The following PPP3CC variants were observed in gnomAD, a reference collection of about 807,000 sequenced individuals.
PPP3CC encodes the protein protein phosphatase 3 catalytic subunit gamma.
In PPP3CC, 35 loss-of-function variants were observed where a neutral mutation model predicts 60.3. That is an observed-to-expected ratio of 0.58 (90% CI 0.44 to 0.77). The LOEUF is 0.77. Ranked by LOEUF, PPP3CC falls within the 30% of genes least tolerant of loss-of-function variation. The pLI is 0.00. For synonymous variants in PPP3CC, 206 were observed against 224.3 expected (o/e 0.92, Z 0.73); for missense variants, 570 against 628.9 (o/e 0.91, Z 1.00).
chr8:22,453,148 C>T (rs1008707601), intron 1 of PPP3CC, among the ~76,000 whole-genome samples: 3 of 152,118 alleles, frequency 2.0e-5, no homozygotes, highest in Non-Finnish European at 4.4e-5. Context: ...GTGCCTACCT[C>T]AGAATTTAAA....
At chr8:22,534,213 A>C (rs1003100854) in intron 12 of PPP3CC, among the ~76,000 whole-genome samples, 19 of 150,732 alleles carry the variant, frequency 1.3e-4, no homozygotes, top group African/African-American at 3.9e-4. Context: ...AAAAAAAAAA[A>C]CAAACACCAC....
chr8:22,539,390 T>G, intron 12 of PPP3CC, 79 bp from the exon 13 acceptor site: 1 of 1,486,344 alleles, frequency 6.7e-7, no homozygotes, highest in Non-Finnish European at 9.3e-7. Context: ...GGGATGGCTG[T>G]GCTGCCATCA....
intron 3 of PPP3CC, among the ~76,000 whole-genome samples, chr8:22,496,483 A>ATTTTTTTTTTTTT (rs1563741124): frequency 1.7e-4 from 13 of 77,040 alleles, no homozygotes; most frequent in South Asian, 4.8e-4. Context: ...GAGAACTGTA[A>ATTTTTTTTTTTTT]TCTTTTTTTT....
At chr8:22,474,180 C>T (rs1212803640) in intron 1 of PPP3CC, among the ~76,000 whole-genome samples, 1 of 152,066 alleles carries the variant, frequency 6.6e-6, no homozygotes, top group Non-Finnish European at 1.5e-5. Flanking sequence ...CAGGCGTGAG[C>T]CATGGTGCCC....
At chr8:22,475,279 A>T in intron 2 of PPP3CC, 128 bp downstream of exon 2, 2 of 996,160 alleles carry the variant, frequency 2.0e-6, no homozygotes. Context: ...GACAGTCAGG[A>T]TTGGTTAGGA....
At position 22,506,891 on chromosome 8, in the gene PPP3CC, G is replaced by A. The variant is rs186350391; in HGVS notation, c.485-4195G>A. Among the ~76,000 whole-genome samples, 377 of 151,930 alleles carry A rather than the reference G, an allele frequency of 2.5e-3. 1 individual carries two copies. Among genetic ancestry groups the A allele is most frequent in the African/African-American group, 8.5e-3 (352 of 41,430 alleles). ...CGGGAGGCGGAGCTTGCAGTGAGCC[G>A]AGATTGCGCCACTGCACTCCAGTCT... On this transcript the variant is annotated intron_variant, in intron 4 of 13. Transcript: ENST00000240139.
chr8:22,467,378 TTC>T (rs1483402045), intron 1 of PPP3CC, among the ~76,000 whole-genome samples: 1 of 152,124 alleles, frequency 6.6e-6, no homozygotes, highest in Non-Finnish European at 1.5e-5. Context: ...TTTCATTTTG[TTC>T]TGTCTTATTT....
At chr8:22,447,289 C>T (rs538461977) in intron 1 of PPP3CC, among the ~76,000 whole-genome samples, 3 of 150,916 alleles carry the variant, frequency 2.0e-5, no homozygotes, top group South Asian at 2.1e-4. Flanking sequence ...ATGCCATTCT[C>T]CTGCCTCAGC....
intron 3 of PPP3CC, among the ~76,000 whole-genome samples, chr8:22,494,420 G>A (rs1240298655): frequency 6.6e-6 from 1 of 152,068 alleles, no homozygotes; most frequent in Non-Finnish European, 1.5e-5. Context: ...CCTGGGTGTG[G>A]GAATTCTGGT....
intron 1 of PPP3CC, among the ~76,000 whole-genome samples, chr8:22,442,396 A>G (rs1022803208): frequency 2.0e-5 from 3 of 152,132 alleles, no homozygotes; most frequent in Non-Finnish European, 4.4e-5. Flanking sequence ...CTTCTTTTTC[A>G]TTTTGGTATT....
rs995001178 is a variant in PPP3CC, at chr8:22,497,537, T to G, written c.373-464T>G. On this transcript the variant is annotated intron_variant, in intron 3 of 13. Transcript: ENST00000240139. Reference sequence around the variant, plus strand: ...TTATTATTTGAGTTAGTTTTATCATTGATTTTGGGGGGTTATATCTGCAAA... The same window carrying G: ...TTATTATTTGAGTTAGTTTTATCATGGATTTTGGGGGGTTATATCTGCAAA... Among the ~76,000 whole-genome samples, 5 of 152,180 alleles carry G rather than the reference T, an allele frequency of 3.3e-5. 1 individual carries two copies. Among genetic ancestry groups the G allele is most frequent in the East Asian group, 3.8e-4 (2 of 5,196 alleles).
At chr8:22,489,115 G>T (rs1416336506) in intron 3 of PPP3CC, among the ~76,000 whole-genome samples, 1 of 152,004 alleles carries the variant, frequency 6.6e-6, no homozygotes, top group Admixed American at 6.6e-5. Flanking sequence ...TAGAAGGTCA[G>T]TTGACTTTTG....
At chr8:22,510,974 AATC>A (rs1313077118) in intron 4 of PPP3CC, 109 bp from the exon 5 acceptor site, 1 of 1,188,690 alleles carries the variant, frequency 8.4e-7, no homozygotes, top group African/African-American at 1.5e-5. Context: ...TGTGCTTTCA[AATC>A]ATCTAAAATA....
intron 9 of PPP3CC, among the ~76,000 whole-genome samples, chr8:22,527,959 G>A (rs1839604839): frequency 6.6e-6 from 1 of 152,120 alleles, no homozygotes; most frequent in African/African-American, 2.4e-5. Context: ...TAAATGGCAT[G>A]TAATTGGTTC....
Position 22,532,909 on chromosome 8 carries a change from C to A in PPP3CC, c.1224-12C>A. 6.5e-7 allele frequency: 1 copy of A among 1,549,968 alleles called. No individual in the cohort carries two copies. The highest frequency in any genetic ancestry group is 1.9e-5 in the Admixed American group (1 of 51,534). On this transcript the variant is annotated splice_polypyrimidine_tract_variant and intron_variant, in intron 11 of 13. Coordinates refer to ENST00000240139, the MANE Select transcript of PPP3CC (RefSeq NM_005605.5). Reference sequence around the variant, plus strand: ...CTCGGGCATTAACCCAGGGTTTGGTCTCCCTTTGCAGGCAAGAAAGTGAGA... The same window carrying A: ...CTCGGGCATTAACCCAGGGTTTGGTATCCCTTTGCAGGCAAGAAAGTGAGA...
At chr8:22,481,290 G>A (rs938555990) in intron 3 of PPP3CC, among the ~76,000 whole-genome samples, 9 of 151,612 alleles carry the variant, frequency 5.9e-5, no homozygotes, top group East Asian at 1.9e-4. Flanking sequence ...AGCCAAGATC[G>A]CGCCACTGCA....
chr8:22,527,567 A>G (rs1199113132), intron 9 of PPP3CC, 50 bp downstream of exon 9: 1 of 1,579,546 alleles, frequency 6.3e-7, no homozygotes, highest in South Asian at 1.1e-5. Flanking sequence ...GACTGAGCAT[A>G]CCTTATATTT....
At chr8:22,449,072 C>A (rs1223188917) in intron 1 of PPP3CC, among the ~76,000 whole-genome samples, 1 of 152,042 alleles carries the variant, frequency 6.6e-6, no homozygotes, top group Admixed American at 6.5e-5. Flanking sequence ...GATTGCACTA[C>A]TGTGTTCCAG....
In PPP3CC at chr8:22,532,963, C is replaced by T; in HGVS notation, c.1266C>T (p.Pro422=). The change falls in exon 12 of 14, where the codon CCC becomes CCT. Residue 422 remains proline (P), a synonymous_variant. Coordinates refer to ENST00000240139, the MANE Select transcript of PPP3CC (RefSeq NM_005605.5). Reference sequence around the variant, plus strand: ...TGCTGACTCTCAAGGGCCTGACTCCCACAGGCACACTCCCTCTGGGCGTCC... The same window carrying T: ...TGCTGACTCTCAAGGGCCTGACTCCTACAGGCACACTCCCTCTGGGCGTCC... The part of the protein sequence containing the change: ...ESVLTLKGLT[P]TGTLPLGVLS... 6.2e-7 allele frequency: 1 copy of T among 1,606,046 alleles called. No individual in the cohort carries two copies. The highest frequency in any genetic ancestry group is 8.5e-7 in the Non-Finnish European group (1 of 1,175,868).
Sources: gnomAD v4.1 joint callset for allele counts (sites outside exome capture counted in the v4.1 genomes callset) on GRCh38, gnomAD v4.1.1 for gene constraint, MANE v1.5 for transcripts, NCBI Gene and HGNC (gene_info 2026-07-23, HGNC 2026-07-21) for gene names.